Variants in ANAPC7 observed in about 807,000 individuals in gnomAD.
ANAPC7 encodes the protein anaphase promoting complex subunit 7, also known as anaphase-promoting complex subunit 7.
In ANAPC7, 25 loss-of-function variants were observed where a neutral mutation model predicts 63.3. The ratio of observed to expected loss-of-function variants is 0.39; its 90% CI spans 0.29 to 0.55. ANAPC7 has a LOEUF of 0.55. Among genes scored for constraint, ANAPC7 ranks in the 20% least tolerant of loss-of-function variants. ANAPC7 has a pLI of 0.57. For synonymous variants in ANAPC7, 241 were observed against 251.7 expected (o/e 0.96, Z 0.40); for missense variants, 516 against 691.7 (o/e 0.75, Z 2.85).
intron 7 of ANAPC7, among the ~76,000 whole-genome samples, 175 bp from the exon 8 acceptor site, chr12:110,382,123 T>C (rs987576151): frequency 1.3e-5 from 2 of 151,658 alleles, no homozygotes; most frequent in Non-Finnish European, 2.9e-5. Flanking sequence ...AACCAAAAAA[T>C]CCACTATTTA....
intron 8 of ANAPC7, chr12:110,378,785 G>A (rs1881540630): frequency 6.6e-6 from 1 of 151,828 alleles, no homozygotes; most frequent in Admixed American, 6.6e-5. Context: ...CTCCACCCTA[G>A]CAGCATTTAT....
At chr12:110,379,857 T>G (rs1031903884) in intron 8 of ANAPC7, among the ~76,000 whole-genome samples, 1 of 152,218 alleles carries the variant, frequency 6.6e-6, no homozygotes, top group Admixed American at 6.5e-5. Flanking sequence ...TTGCTGAAAC[T>G]GGCACAGCTC....
intron 3 of ANAPC7, among the ~76,000 whole-genome samples, chr12:110,393,867 C>CAAAAAAAA (rs771757058): frequency 2.7e-5 from 1 of 37,318 alleles, no homozygotes; most frequent in Non-Finnish European, 5.6e-5. Flanking sequence ...AACTCCCTCT[C>CAAAAAAAA]AAAAAAAAAA....
At position 110,381,331 on chromosome 12, in the gene ANAPC7, T is replaced by G. The variant is rs1041312717; in HGVS notation, c.1132+421A>C. On this transcript the variant is annotated intron_variant, in intron 8 of 10. Coordinates refer to ENST00000455511, the MANE Select transcript of ANAPC7 (RefSeq NM_016238.3). Reference sequence around the variant, plus strand: ...GAAAAGCTTCCCCGGATGATGTTTTTTTGTTGTTGTTGTTGTTGTTTTAAT... The same window carrying G: ...GAAAAGCTTCCCCGGATGATGTTTTGTTGTTGTTGTTGTTGTTGTTTTAAT... Among the ~76,000 whole-genome samples the G allele has an allele frequency of 3.9e-5, 6 of 151,914 alleles. No individual in the cohort carries two copies. In the East Asian group the frequency reaches 5.8e-4, roughly 15 times the overall value.
At chr12:110,392,120 T>C (rs1023417909) in intron 3 of ANAPC7, among the ~76,000 whole-genome samples, 1 of 144,428 alleles carries the variant, frequency 6.9e-6, no homozygotes, top group Non-Finnish European at 1.5e-5. Context: ...AAAAAAAGGC[T>C]TCTTACAAAA....
At chr12:110,382,479 T>G (rs1314510686) in intron 7 of ANAPC7, among the ~76,000 whole-genome samples, 1 of 131,186 alleles carries the variant, frequency 7.6e-6, no homozygotes, top group African/African-American at 2.9e-5. Context: ...TATATATATA[T>G]ATATATATAT....
chr12:110,375,784 G>A, intron 10 of ANAPC7: 2 of 1,084,946 alleles, frequency 1.8e-6, no homozygotes, highest in Non-Finnish European at 1.1e-6. Context: ...AAAAATATGT[G>A]TGTGTGGGCA....
chr12:110,382,468 A>ATATATATATATATG, intron 7 of ANAPC7, among the ~76,000 whole-genome samples: 1 of 116,556 alleles, frequency 8.6e-6, no homozygotes, highest in African/African-American at 3.7e-5. Context: ...AAAAATATAT[A>ATATATATATATATG]TATATATATA....
intron 1 of ANAPC7, among the ~76,000 whole-genome samples, chr12:110,396,724 A>G (rs1175393537): frequency 6.6e-6 from 1 of 150,878 alleles, no homozygotes. Context: ...CATGTTAGCC[A>G]GGCTGGTCTC....
intron 3 of ANAPC7, among the ~76,000 whole-genome samples, chr12:110,392,284 A>T (rs1883167829): frequency 6.6e-6 from 1 of 152,150 alleles, no homozygotes; most frequent in Non-Finnish European, 1.5e-5. Flanking sequence ...TAAACTTTCA[A>T]GTGTTTTTAA....
chr12:110,392,045 T>C (rs1478170391), intron 3 of ANAPC7, among the ~76,000 whole-genome samples: 1 of 130,490 alleles, frequency 7.7e-6, no homozygotes, highest in African/African-American at 3.1e-5. Flanking sequence ...TGAGCCAAGA[T>C]TGTGCCACTG....
chr12:110,375,970 A>C, intron 10 of ANAPC7, 96 bp downstream of exon 10: 5 of 1,430,026 alleles, frequency 3.5e-6, no homozygotes, highest in Non-Finnish European at 3.7e-6. Flanking sequence ...AACCATGGAC[A>C]CAAAGTGTGT....
At chr12:110,388,185 C>T (rs1388623962) in intron 4 of ANAPC7, among the ~76,000 whole-genome samples, 1 of 152,054 alleles carries the variant, frequency 6.6e-6, no homozygotes, top group African/African-American at 2.4e-5. Context: ...TACAGGCACG[C>T]GCCACCATGC....
chr12:110,374,440 A>G, intron 10 of ANAPC7, 107 bp from the exon 11 acceptor site: 2 of 1,129,700 alleles, frequency 1.8e-6, no homozygotes, highest in Non-Finnish European at 1.2e-6. Context: ...AGTCCCAAAA[A>G]ATGTGCTAAA....
Position 110,396,325 on chromosome 12 carries a change from T to A in ANAPC7, c.229A>T (p.Ser77Cys). 6.2e-7 allele frequency: 1 copy of A among 1,614,000 alleles called. No individual in the cohort carries two copies. The highest frequency in any genetic ancestry group is 8.5e-7 in the Non-Finnish European group (1 of 1,179,982). ...TMALQQKKALSKTSKVRPSTG... is the reference protein window; with the variant it reads ...TMALQQKKALCKTSKVRPSTG... ...GAAGGTCTCACTTTTGAAGTTTTAC[T>A]TAGCGCTTTCTTCTGCTGTAAAGCC... Residue 77 changes from serine (S) to cysteine (C), a missense_variant, in exon 2 of 11, where the codon AGT becomes TGT. Coordinates refer to ENST00000455511, the MANE Select transcript of ANAPC7 (RefSeq NM_016238.3).
chr12:110,376,610 T>C (rs57154770), intron 9 of ANAPC7, among the ~76,000 whole-genome samples: 18,891 of 135,522 alleles, frequency 0.14, 1,923 homozygotes, highest in African/African-American at 0.29. Flanking sequence ...TGAATTATAA[T>C]GTTTTAAATG....
At chr12:110,377,132 G>A (rs577970131) in intron 9 of ANAPC7, among the ~76,000 whole-genome samples, 7 of 129,442 alleles carry the variant, frequency 5.4e-5, no homozygotes, top group Admixed American at 2.5e-4. Flanking sequence ...GCAAGATGCC[G>A]TCTCAAAAAA....
intron 1 of ANAPC7, among the ~76,000 whole-genome samples, chr12:110,396,681 T>G (rs1274329605): frequency 1.4e-5 from 1 of 73,560 alleles, no homozygotes; most frequent in Admixed American, 1.2e-4. Context: ...CAGCTAATTT[T>G]TGTTTTTTTT....
intron 2 of ANAPC7, 127 bp from the exon 3 acceptor site, chr12:110,395,347 C>T: frequency 1.1e-6 from 1 of 896,550 alleles, no homozygotes. Context: ...CAGGGTCTCG[C>T]TCTGTTGCCC....
Sources: gnomAD v4.1 joint callset for allele counts (sites outside exome capture counted in the v4.1 genomes callset) on GRCh38, gnomAD v4.1.1 for gene constraint, MANE v1.5 for transcripts, NCBI Gene and HGNC (gene_info 2026-07-23, HGNC 2026-07-21) for gene names.